The following ROBO2 variants were observed in gnomAD, a reference collection of about 807,000 sequenced individuals.
ROBO2 encodes roundabout guidance receptor 2.
A neutral mutation model predicts 160.8 loss-of-function variants in ROBO2; 53 were observed. The observed-to-expected ratio is 0.33, with a 90% CI of 0.26 to 0.41. The LOEUF (loss-of-function observed/expected upper bound fraction) is 0.41. Among genes scored for constraint, ROBO2 ranks in the 10% least tolerant of loss-of-function variants. The pLI is 1.00. For missense variants in ROBO2, 1,577 were observed against 1,722.4 expected (o/e 0.92, Z 1.49); for synonymous variants, 664 against 611.7 (o/e 1.09, Z -1.26).
intron 21 of ROBO2, among the ~76,000 whole-genome samples, chr3:77,610,241 ATTT>A (rs2094602488): frequency 6.6e-6 from 1 of 152,052 alleles, no homozygotes; most frequent in South Asian, 2.1e-4. Context: ...CTTCTAGAAA[ATTT>A]TTCTATAATT....
Position 77,006,737 on chromosome 3 carries a change from T to G in ROBO2, c.110-91277T>G, listed in dbSNP as rs140562216. On this transcript the variant is annotated intron_variant, in intron 2 of 26. Coordinates refer to the ROBO2 transcript ENST00000487694. ...ATCCAAGGCCTAAGAGAATAAAAAT[T>G]TGAAAGAGAAATAAAGAAGTTTAAA... Among the ~76,000 whole-genome samples the G allele has an allele frequency of 6.4e-3, 966 of 151,988 alleles. 28 individuals carry two copies. The highest frequency in any genetic ancestry group is 0.058 in the East Asian group (298 of 5,176).
intron 2 of ROBO2, among the ~76,000 whole-genome samples, chr3:77,340,345 C>CT (rs542017303): frequency 1.2e-4 from 18 of 152,114 alleles, no homozygotes; most frequent in African/African-American, 4.3e-4. Flanking sequence ...TATTTTGTTT[C>CT]TTTTTCTTTC....
chr3:76,368,275 T>A (rs1010265635), intron 2 of ROBO2, among the ~76,000 whole-genome samples: 1 of 152,024 alleles, frequency 6.6e-6, no homozygotes, highest in African/African-American at 2.4e-5. Flanking sequence ...GTATTTTTTA[T>A]AATATATGTT....
chr3:76,323,446 T>C (rs1559763585), intron 2 of ROBO2, among the ~76,000 whole-genome samples: 2 of 152,286 alleles, frequency 1.3e-5, no homozygotes, highest in South Asian at 2.1e-4. Flanking sequence ...TCACTGTTCA[T>C]TACCTCAACA....
At chr3:77,240,706 G>C (rs904750637) in intron 2 of ROBO2, among the ~76,000 whole-genome samples, 1 of 152,240 alleles carries the variant, frequency 6.6e-6, no homozygotes, top group African/African-American at 2.4e-5. Flanking sequence ...TGGATATGGA[G>C]AGCCAACTGT....
chr3:77,495,471 T>C (rs2086667126), intron 5 of ROBO2, among the ~76,000 whole-genome samples: 1 of 152,196 alleles, frequency 6.6e-6, no homozygotes, highest in Admixed American at 6.5e-5. Context: ...TTGTCCTCTT[T>C]CTACTCCAAG....
chr3:76,979,207 G>A (rs2059966457), intron 2 of ROBO2, among the ~76,000 whole-genome samples: 1 of 152,050 alleles, frequency 6.6e-6, no homozygotes, highest in African/African-American at 2.4e-5. Flanking sequence ...GCCTCTCAAA[G>A]TGCTGGAATT....
rs1033878817 is a variant in ROBO2, at chr3:76,910,750, A to G, written c.110-187264A>G. On this transcript the variant is annotated intron_variant, in intron 2 of 26. Coordinates refer to the ROBO2 transcript ENST00000487694. ...CAAAAAAAAAAAAAAAAAAAGAAAA[A>G]AAAAGAAATCATATACATTGTTACT... Among the ~76,000 whole-genome samples, 12 of 151,252 alleles carry G rather than the reference A, an allele frequency of 7.9e-5. 1 individual carries two copies. In the South Asian group the frequency reaches 8.3e-4, roughly 10 times the overall value.
At chr3:76,083,587 A>C (rs1407772095) in intron 2 of ROBO2, among the ~76,000 whole-genome samples, 2 of 152,152 alleles carry the variant, frequency 1.3e-5, no homozygotes, top group African/African-American at 4.8e-5. Flanking sequence ...TTTAGATTTC[A>C]AAAATATGTA....
chr3:77,322,760 A>G (rs2064858171), intron 2 of ROBO2, among the ~76,000 whole-genome samples: 1 of 138,364 alleles, frequency 7.2e-6, no homozygotes, highest in Admixed American at 8.1e-5. Context: ...TATATATAAT[A>G]TATTATATTA....
chr3:76,547,300 A>G (rs1025706347), intron 2 of ROBO2, among the ~76,000 whole-genome samples: 12 of 151,924 alleles, frequency 7.9e-5, no homozygotes, highest in African/African-American at 2.7e-4. Flanking sequence ...CTGTCAGATA[A>G]CCTTGTTCAA....
intron 2 of ROBO2, among the ~76,000 whole-genome samples, chr3:77,196,548 T>C (rs1053559553): frequency 6.6e-6 from 1 of 152,112 alleles, no homozygotes; most frequent in Non-Finnish European, 1.5e-5. Context: ...TATGTTTTGC[T>C]CTTTTATACT....
At chr3:75,948,403 A>G (rs1948404503) in intron 2 of ROBO2, among the ~76,000 whole-genome samples, 2 of 152,122 alleles carry the variant, frequency 1.3e-5, no homozygotes, top group South Asian at 2.1e-4. Context: ...ATAATGAAAT[A>G]CTTTTCTGAT....
At chr3:76,629,286 T>A (rs1215424356) in intron 2 of ROBO2, among the ~76,000 whole-genome samples, 2 of 152,162 alleles carry the variant, frequency 1.3e-5, no homozygotes, top group African/African-American at 2.4e-5. Context: ...TACAACTAAT[T>A]TTTTTTCCAA....
chr3:76,135,361 T>C (rs568963252), intron 2 of ROBO2, among the ~76,000 whole-genome samples: 2 of 152,232 alleles, frequency 1.3e-5, no homozygotes, highest in East Asian at 1.9e-4. Context: ...CAGTAACTTA[T>C]CCAAGGCCAC....
chr3:75,993,553 A>C (rs142932058), intron 2 of ROBO2, among the ~76,000 whole-genome samples: 6 of 152,252 alleles, frequency 3.9e-5, no homozygotes, highest in Non-Finnish European at 8.8e-5. Flanking sequence ...CACAGCAGTT[A>C]ATTGATTTCT....
At chr3:77,610,741 C>CAAAAAAAAAAAAAAA (rs71629658) in intron 21 of ROBO2, among the ~76,000 whole-genome samples, 49 of 19,812 alleles carry the variant, frequency 2.5e-3, no homozygotes, top group Non-Finnish European at 3.6e-3. Flanking sequence ...GGCCAAAGAC[C>CAAAAAAAAAAAAAAA]AAAAAAAAAA....
chr3:76,102,902 G>A (rs1400346420), intron 2 of ROBO2, among the ~76,000 whole-genome samples: 11 of 151,376 alleles, frequency 7.3e-5, no homozygotes, highest in Non-Finnish European at 1.6e-4. Context: ...TCGGCTCACT[G>A]CAAGCTCTGC....
At chr3:77,265,865 A>G (rs945947587) in intron 2 of ROBO2, among the ~76,000 whole-genome samples, 5 of 152,184 alleles carry the variant, frequency 3.3e-5, no homozygotes, top group African/African-American at 4.8e-5. Context: ...TTTTACATCA[A>G]TAGACTACTT....
Sources: gnomAD v4.1 joint callset for allele counts (sites outside exome capture counted in the v4.1 genomes callset) on GRCh38, gnomAD v4.1.1 for gene constraint, MANE v1.5 for transcripts, NCBI Gene and HGNC (gene_info 2026-07-23, HGNC 2026-07-21) for gene names.